The following CAMK1D variants were observed in gnomAD, a reference collection of about 807,000 sequenced individuals.
The protein encoded by CAMK1D is calcium/calmodulin dependent protein kinase ID, also known as calcium/calmodulin-dependent protein kinase type 1D.
In CAMK1D, 9 loss-of-function variants were observed where a neutral mutation model predicts 47.7. The ratio of observed to expected loss-of-function variants is 0.19; its 90% confidence interval spans 0.11 to 0.33. The LOEUF (loss-of-function observed/expected upper bound fraction) is 0.33. CAMK1D is among the 10% of genes least tolerant of loss of function. The pLI is 1.00. For missense variants in CAMK1D, 291 were observed against 488.7 expected, an observed-to-expected ratio of 0.60 and a Z score of 3.81; for synonymous variants, 184 against 184.9, an observed-to-expected ratio of 0.99 and a Z score of 0.04.
At chr10:12,368,284 G>A (rs1292159808) in intron 1 of CAMK1D, among the ~76,000 whole-genome samples, 1 of 151,394 alleles carries the variant, frequency 6.6e-6, no homozygotes, top group Non-Finnish European at 1.5e-5. Context: ...GGAGGCTGAA[G>A]CAGGAGGTTC....
At chr10:12,616,004 T>C (rs1458498756) in intron 2 of CAMK1D, among the ~76,000 whole-genome samples, 1 of 150,026 alleles carries the variant, frequency 6.7e-6, no homozygotes, top group Non-Finnish European at 1.5e-5. Flanking sequence ...GGTGTGTTTG[T>C]GGGTGTGCAT....
chr10:12,464,118 G>T (rs1368350761), intron 1 of CAMK1D, among the ~76,000 whole-genome samples: 1 of 152,146 alleles, frequency 6.6e-6, no homozygotes, highest in Non-Finnish European at 1.5e-5. Context: ...CCCCTGCTTA[G>T]ATGGGGTCTG....
intron 2 of CAMK1D, among the ~76,000 whole-genome samples, chr10:12,585,967 A>C (rs949360523): frequency 2.6e-5 from 4 of 152,200 alleles, no homozygotes; most frequent in African/African-American, 4.8e-5. Flanking sequence ...GAAGGTCAGC[A>C]GTGGCAGGTA....
At chr10:12,723,237 A>G (rs140225670) in intron 3 of CAMK1D, among the ~76,000 whole-genome samples, 99 of 152,312 alleles carry the variant, frequency 6.5e-4, no homozygotes, top group African/African-American at 2.2e-3. Flanking sequence ...ATTGAGATTT[A>G]TTAGGTGTTT....
intron 6 of CAMK1D, among the ~76,000 whole-genome samples, chr10:12,804,556 C>T (rs1271348753): frequency 2.0e-5 from 3 of 151,802 alleles, no homozygotes; most frequent in Non-Finnish European, 2.9e-5. Context: ...GGAGATTGTA[C>T]CATTGTACTC....
intron 7 of CAMK1D, 38 bp from the exon 8 acceptor site, chr10:12,816,212 C>A: frequency 6.3e-7 from 1 of 1,581,652 alleles, no homozygotes; most frequent in Non-Finnish European, 8.7e-7. Flanking sequence ...TCTCAAGTCG[C>A]AAAGTGATTC....
intron 1 of CAMK1D, among the ~76,000 whole-genome samples, chr10:12,522,059 A>G (rs948306987): frequency 6.6e-6 from 1 of 151,826 alleles, no homozygotes; most frequent in Non-Finnish European, 1.5e-5. Flanking sequence ...TGAGCCATTT[A>G]CATTTACTCT....
At chr10:12,560,761 G>T (rs111518145) in intron 2 of CAMK1D, among the ~76,000 whole-genome samples, 7 of 151,936 alleles carry the variant, frequency 4.6e-5, no homozygotes, top group Non-Finnish European at 1.0e-4. Flanking sequence ...TGGAAAGCTC[G>T]CACTGGAATG....
chr10:12,765,576 C>T (rs572600181), intron 4 of CAMK1D, among the ~76,000 whole-genome samples: 1 of 152,360 alleles, frequency 6.6e-6, no homozygotes, highest in East Asian at 1.9e-4. Flanking sequence ...GAGCTGAAAT[C>T]TTCCACCCGC....
chr10:12,660,276 A>G (rs1457483554), intron 2 of CAMK1D, among the ~76,000 whole-genome samples: 1 of 151,864 alleles, frequency 6.6e-6, no homozygotes, highest in Admixed American at 6.6e-5. Flanking sequence ...CTTTTTCTTA[A>G]ATTTTCCTCA....
intron 3 of CAMK1D, among the ~76,000 whole-genome samples, chr10:12,694,021 T>C (rs1833061625): frequency 1.4e-5 from 1 of 73,430 alleles, no homozygotes; most frequent in African/African-American, 5.5e-5. Context: ...ATTAAATATA[T>C]ATAATATATA....
chr10:12,678,723 T>C (rs903548262), intron 3 of CAMK1D, among the ~76,000 whole-genome samples: 2 of 152,214 alleles, frequency 1.3e-5, no homozygotes, highest in Non-Finnish European at 2.9e-5. Flanking sequence ...CATTATATAA[T>C]ATCCTTCCTT....
intron 3 of CAMK1D, among the ~76,000 whole-genome samples, chr10:12,670,569 G>A (rs1330793630): frequency 6.7e-6 from 1 of 149,192 alleles, no homozygotes; most frequent in Non-Finnish European, 1.5e-5. Flanking sequence ...TTTTTTTTGA[G>A]ACGGATTCTC....
chr10:12,676,591 A>C (rs1219597803), intron 3 of CAMK1D, among the ~76,000 whole-genome samples: 1 of 152,090 alleles, frequency 6.6e-6, no homozygotes, highest in African/African-American at 2.4e-5. Flanking sequence ...CTTACAGTAA[A>C]CTCAGGAGTT....
intron 2 of CAMK1D, among the ~76,000 whole-genome samples, chr10:12,626,976 A>G (rs1839236254): frequency 6.6e-6 from 1 of 152,212 alleles, no homozygotes; most frequent in African/African-American, 2.4e-5. Context: ...CAGCAAAATC[A>G]TAAGATATAT....
intron 3 of CAMK1D, among the ~76,000 whole-genome samples, chr10:12,701,103 TC>T (rs945687424): frequency 1.3e-5 from 2 of 151,540 alleles, no homozygotes; most frequent in Admixed American, 6.6e-5. Context: ...GCCCATAGAT[TC>T]TTCTTTTTTT....
intron 1 of CAMK1D, among the ~76,000 whole-genome samples, chr10:12,443,836 G>T (rs1051000771): frequency 6.6e-6 from 1 of 152,104 alleles, no homozygotes; most frequent in African/African-American, 2.4e-5. Flanking sequence ...CACCATGTTG[G>T]CCAGGATGGT....
chr10:12,815,054 G>A (rs994851178), intron 7 of CAMK1D, among the ~76,000 whole-genome samples: 4 of 152,168 alleles, frequency 2.6e-5, no homozygotes, highest in Non-Finnish European at 5.9e-5. Context: ...CCTGTCAGGC[G>A]GGTATTAACT....
chr10:12,723,252 G>A (rs762064121), intron 3 of CAMK1D, among the ~76,000 whole-genome samples: 21 of 152,080 alleles, frequency 1.4e-4, no homozygotes, highest in Non-Finnish European at 2.4e-4. Flanking sequence ...GTGTTTGAAC[G>A]GTCTGAACGG....
Sources: gnomAD v4.1 joint callset for allele counts (sites outside exome capture counted in the v4.1 genomes callset) on GRCh38, gnomAD v4.1.1 for gene constraint, MANE v1.5 for transcripts, NCBI Gene and HGNC (gene_info 2026-07-23, HGNC 2026-07-21) for gene names.